Variants in LRCH3 observed in about 807,000 individuals in gnomAD.
LRCH3 encodes the protein DISP complex protein LRCH3.
In LRCH3, 68 loss-of-function variants were observed where a neutral mutation model predicts 104.5. The ratio of observed to expected loss-of-function variants is 0.65; its 90% CI spans 0.54 to 0.80. The LOEUF (loss-of-function observed/expected upper bound fraction) is 0.80. Ranked by LOEUF, LRCH3 falls within the 30% of genes least tolerant of loss-of-function variation. The probability of loss-of-function intolerance (pLI) is 0.00; values close to 1 mark genes in which losing one functional copy is unlikely to be tolerated. For missense variants in LRCH3, 951 were observed against 953.9 expected (o/e 1.00, Z 0.04); for synonymous variants, 344 against 361.3 (o/e 0.95, Z 0.54).
At chr3:197,799,330 A>G (rs841672) in intron 1 of LRCH3, among the ~76,000 whole-genome samples, 115,299 of 152,126 alleles carry the variant, frequency 0.76, 45,486 homozygotes, top group East Asian at 0.94. Context: ...CAATGTGGTA[A>G]TTCACACAAA....
chr3:197,793,030 C>T (rs904832994), intron 1 of LRCH3, among the ~76,000 whole-genome samples: 8 of 152,082 alleles, frequency 5.3e-5, no homozygotes, highest in African/African-American at 1.4e-4. Context: ...CTCAAGCTAT[C>T]CGCCGACCTC....
chr3:197,855,176 T>C (rs1326166603), intron 14 of LRCH3, among the ~76,000 whole-genome samples: 1 of 152,238 alleles, frequency 6.6e-6, no homozygotes, highest in Non-Finnish European at 1.5e-5. Context: ...TGCATCCTGC[T>C]GCGTGAGCTG....
chr3:197,814,867 T>A (rs752479471), intron 1 of LRCH3, 41 bp from the exon 2 acceptor site: 20 of 1,519,476 alleles, frequency 1.3e-5, no homozygotes, highest in Non-Finnish European at 1.8e-5. Context: ...TAAAATAAGT[T>A]CCAAGGACTG....
Position 197,866,235 on chromosome 3 carries a change from T to A in LRCH3, c.1873+16T>A. On this transcript the variant is annotated intron_variant, in intron 17 of 20. Coordinates refer to ENST00000425562, the MANE Select transcript of LRCH3 (RefSeq NM_001365715.1). Reference sequence around the variant, plus strand: ...ACCAACAAAGGTAGGTGGTGGTGATTTTAAAAGCCAGGAGCGAGGGGAGGT... The same window carrying A: ...ACCAACAAAGGTAGGTGGTGGTGATATTAAAAGCCAGGAGCGAGGGGAGGT... The A allele has an allele frequency of 6.3e-7, 1 of 1,596,622 alleles. No individual in the cohort carries two copies. The highest frequency in any genetic ancestry group is 8.6e-7 in the Non-Finnish European group (1 of 1,164,098).
rs1267954548 is a variant in LRCH3, at chr3:197,827,015, G to T, written c.777+1G>T. ...TCCACTACAATCACCTCCTGCACAG[G>T]TAAACCATAGTGGAAGCATCAGGTA... On this transcript the variant is annotated splice_donor_variant, in intron 5 of 20. Coordinates refer to ENST00000425562, the MANE Select transcript of LRCH3 (RefSeq NM_001365715.1). LOFTEE classifies it high-confidence loss of function. 2.1e-5 allele frequency: 34 copies of T among 1,612,852 alleles called. No individual in the cohort carries two copies. Among genetic ancestry groups the T allele is most frequent in the Non-Finnish European group, 2.7e-5 (32 of 1,179,684 alleles).
At chr3:197,850,690 C>T in intron 12 of LRCH3, 1 of 1,478,902 alleles carries the variant, frequency 6.8e-7, no homozygotes, top group Non-Finnish European at 9.5e-7. Context: ...AGCAAAAATT[C>T]AGCACTCTTT....
At chr3:197,848,253 C>T (rs1165085133) in intron 12 of LRCH3, 6 of 437,636 alleles carry the variant, frequency 1.4e-5, no homozygotes, top group Non-Finnish European at 2.1e-5. Context: ...TACTATCCAG[C>T]TGCCATTTCC....
chr3:197,818,316 G>C (rs1181350560), intron 3 of LRCH3, among the ~76,000 whole-genome samples: 2 of 152,086 alleles, frequency 1.3e-5, no homozygotes, highest in African/African-American at 4.8e-5. Context: ...ACTTGCCTAA[G>C]GTTATATAAC....
Position 197,852,673 on chromosome 3 carries a change from A to G in LRCH3, c.1590+53A>G, listed in dbSNP as rs977714589. 5 of 1,550,064 alleles carry G rather than the reference A, an allele frequency of 3.2e-6. No homozygotes were observed. In the African/African-American group the frequency reaches 6.8e-5, roughly 21 times the overall value. On this transcript the variant is annotated intron_variant, in intron 13 of 20. Coordinates refer to ENST00000425562, the MANE Select transcript of LRCH3 (RefSeq NM_001365715.1). ...GGAGTTGATTATTTTTGCAATGGAA[A>G]TGAAATGTTTACATGTAATTGTCAT... is the stretch of plus-strand genomic sequence containing the variant.
intron 1 of LRCH3, among the ~76,000 whole-genome samples, chr3:197,797,324 T>G: frequency 6.6e-5 from 1 of 15,090 alleles, no homozygotes; most frequent in South Asian, 2.5e-3. Flanking sequence ...CAAAACTCCA[T>G]CTCAAAAAAA....
In LRCH3 at chr3:197,825,464, A is replaced by ATTTTTT. The variant is rs58237989; in HGVS notation, c.641-1386_641-1381dup. On this transcript the variant is annotated intron_variant, in intron 4 of 20. Coordinates refer to ENST00000425562, the MANE Select transcript of LRCH3 (RefSeq NM_001365715.1). The stretch of plus-strand genomic sequence containing the variant: ...TAGACCTCTTTGTTGATCCTCTTTG[A>ATTTTTT]TTTTTTTTTTTTTTTTTTTTTTTTT... Among the ~76,000 whole-genome samples, 148 of 20,084 alleles carry ATTTTTT rather than the reference A, an allele frequency of 7.4e-3. 57 individuals are homozygous for ATTTTTT. The highest frequency in any genetic ancestry group is 7.7e-3 in the Non-Finnish European group (83 of 10,758). The allele number at this position is 20,084 out of a possible 152,430, so 13.2% of individuals were successfully genotyped here. A position where few individuals can be genotyped will look rare whatever the true frequency, so the allele number is the denominator to read the frequency against.
chr3:197,846,878 T>G (rs924181334), intron 10 of LRCH3, among the ~76,000 whole-genome samples: 12 of 151,384 alleles, frequency 7.9e-5, no homozygotes, highest in African/African-American at 2.0e-4. Flanking sequence ...CTACTTTTTT[T>G]TTGTTTTTTT....
At chr3:197,881,173 CT>C in intron 20 of LRCH3, 1 of 1,008,618 alleles carries the variant, frequency 9.9e-7, no homozygotes, top group Non-Finnish European at 1.2e-6. Context: ...ACCGTCGTGC[CT>C]TTTCTGGTTT....
chr3:197,862,660 CAT>C (rs147348543), intron 15 of LRCH3, among the ~76,000 whole-genome samples: 3,937 of 152,310 alleles, frequency 0.026, 69 homozygotes, highest in Middle Eastern at 0.092. Flanking sequence ...GGAAAATAAA[CAT>C]AGTCTTTTAC....
intron 1 of LRCH3, among the ~76,000 whole-genome samples, chr3:197,799,258 T>G (rs565215169): frequency 6.6e-6 from 1 of 152,284 alleles, no homozygotes; most frequent in African/African-American, 2.4e-5. Flanking sequence ...TATATACATG[T>G]TTCTTGTTCT....
chr3:197,883,775 G>C lies in LRCH3; in HGVS notation c.*109G>C, dbSNP rs1343436644. 9 of 1,181,620 alleles carry C rather than the reference G, an allele frequency of 7.6e-6. No individual in the cohort carries two copies. The highest frequency in any genetic ancestry group is 8.9e-6 in the Non-Finnish European group (8 of 894,584). The allele number at this position is 1,181,620 out of a possible 1,614,324, so 73.2% of individuals were successfully genotyped here. On this transcript the variant is annotated 3_prime_UTR_variant, in exon 21 of 21. Coordinates refer to ENST00000425562, the MANE Select transcript of LRCH3 (RefSeq NM_001365715.1). The surrounding 1 kb of genome is among the most constrained non-coding windows in gnomAD (Gnocchi z 4.2). Reference sequence around the variant, plus strand: ...AAAGCTCTTGTGTGTTCTCAGAAGGGACCGTTCCCATGATTCCTAACAGGA... The same window carrying C: ...AAAGCTCTTGTGTGTTCTCAGAAGGCACCGTTCCCATGATTCCTAACAGGA...
At chr3:197,846,816 G>A (rs1232548416) in intron 10 of LRCH3, among the ~76,000 whole-genome samples, 4 of 151,942 alleles carry the variant, frequency 2.6e-5, no homozygotes, top group African/African-American at 9.7e-5. Flanking sequence ...TTCAGGAAAA[G>A]GATAAATAGT....
chr3:197,856,450 CCTCT>C lies in LRCH3; in HGVS notation c.1644+2006_1644+2009del, dbSNP rs1740258596. ...TTTAATTATTTTGAGACAGAGTCTC[CCTCT>C]GTTGCCGAGGCTGGAGTGCAGTGGC... On this transcript the variant is annotated intron_variant, in intron 14 of 20. Coordinates refer to ENST00000425562, the MANE Select transcript of LRCH3 (RefSeq NM_001365715.1). This position sits in a 1 kb window ranked among gnomAD's most constrained non-coding sequence, Gnocchi z 4.2. 6.6e-6 allele frequency among the ~76,000 whole-genome samples: 1 copy of C among 151,036 alleles called. No individual in the cohort carries two copies. The highest frequency in any genetic ancestry group is 1.5e-5 in the Non-Finnish European group (1 of 67,864).
chr3:197,838,170 AGC>A (rs200690827), intron 9 of LRCH3, among the ~76,000 whole-genome samples: 3,940 of 152,284 alleles, frequency 0.026, 136 homozygotes, highest in African/African-American at 0.081. Flanking sequence ...CTGTAGTCTC[AGC>A]CACTCGGGAG....
Sources: gnomAD v4.1 joint callset for allele counts (sites outside exome capture counted in the v4.1 genomes callset) on GRCh38, gnomAD v4.1.1 for gene constraint, Gnocchi (gnomAD v3.1) non-coding constraint, MANE v1.5 for transcripts, NCBI Gene and HGNC (gene_info 2026-07-23, HGNC 2026-07-21) for gene names.